CDKAL1: variants seen among roughly 807,000 people sequenced by gnomAD.
The protein encoded by CDKAL1 is CDKAL1 threonylcarbamoyladenosine tRNA methylthiotransferase, also known as threonylcarbamoyladenosine tRNA methylthiotransferase.
Under a neutral mutation model 68.2 loss-of-function variants are expected in CDKAL1, and 32 were observed. The ratio of observed to expected loss-of-function variants is 0.47; its 90% CI spans 0.35 to 0.63. CDKAL1 has a LOEUF of 0.63. Among genes scored for constraint, CDKAL1 ranks in the 30% least tolerant of loss-of-function variants. The pLI is 0.00. For missense variants in CDKAL1, 606 were observed against 696.7 expected (o/e 0.87, Z 1.47); for synonymous variants, 234 against 244.3 (o/e 0.96, Z 0.39).
At chr6:20,830,439 G>C (rs1777668536) in intron 8 of CDKAL1, among the ~76,000 whole-genome samples, 2 of 151,778 alleles carry the variant, frequency 1.3e-5, no homozygotes, top group Admixed American at 6.6e-5. Flanking sequence ...GTTTCCTCAG[G>C]TAAAGAATTT....
intron 8 of CDKAL1, among the ~76,000 whole-genome samples, chr6:20,818,357 T>C (rs1777135703): frequency 6.6e-6 from 1 of 152,182 alleles, no homozygotes; most frequent in Non-Finnish European, 1.5e-5. Context: ...CAAATTATTA[T>C]GCATTATCAG....
chr6:20,910,200 C>T (rs1347774910), intron 9 of CDKAL1, among the ~76,000 whole-genome samples: 2 of 152,204 alleles, frequency 1.3e-5, no homozygotes, highest in East Asian at 3.9e-4. Context: ...TTCCAGACAT[C>T]TTCAATGGAG....
chr6:20,909,206 TG>T (rs1762359587), intron 9 of CDKAL1, among the ~76,000 whole-genome samples: 1 of 141,274 alleles, frequency 7.1e-6, no homozygotes, highest in Non-Finnish European at 1.5e-5. Context: ...TGTGTGTGTG[TG>T]TGTGTGTGTG....
rs1005950883 is a variant in CDKAL1 at position 20,651,067 on chromosome 6, GT to G, written c.371+1699del. On this transcript the variant is annotated intron_variant, in intron 5 of 15. Transcript: ENST00000274695. ...TTTTTGGTTTCATATGAATTTTAAAGTTTTTTTTTCTAATTCTATGAAGAAT... is the reference window on the plus strand; with the variant it reads ...TTTTTGGTTTCATATGAATTTTAAAGTTTTTTTTCTAATTCTATGAAGAAT... Among the ~76,000 whole-genome samples the G allele has an allele frequency of 1.0e-3, 157 of 151,404 alleles. 2 individuals are homozygous for G. The highest frequency in any genetic ancestry group is 1.4e-3 in the Non-Finnish European group (97 of 67,802).
intron 11 of CDKAL1, among the ~76,000 whole-genome samples, chr6:21,012,034 T>C (rs1017970410): frequency 2.0e-5 from 3 of 152,186 alleles, no homozygotes; most frequent in African/African-American, 4.8e-5. Context: ...AGATGTAGGA[T>C]TGAACTTTCA....
At chr6:21,029,862 T>C (rs201302) in intron 11 of CDKAL1, among the ~76,000 whole-genome samples, 151,684 of 152,300 alleles carry the variant, frequency 1, 75,535 homozygotes, top group South Asian at 1. Flanking sequence ...GGAATAGGAA[T>C]GCTTTTACAC....
chr6:20,804,781 A>G (rs1776498876), intron 8 of CDKAL1, among the ~76,000 whole-genome samples: 1 of 152,136 alleles, frequency 6.6e-6, no homozygotes, highest in South Asian at 2.1e-4. Context: ...ACCATTGAGT[A>G]GTATCTGGGA....
chr6:20,904,223 G>A (rs1762134361), intron 9 of CDKAL1, among the ~76,000 whole-genome samples: 1 of 152,112 alleles, frequency 6.6e-6, no homozygotes, highest in Non-Finnish European at 1.5e-5. Context: ...TAACTGATGT[G>A]AGTTTCAGGG....
At chr6:20,913,627 A>G (rs1762577647) in intron 9 of CDKAL1, among the ~76,000 whole-genome samples, 1 of 152,204 alleles carries the variant, frequency 6.6e-6, no homozygotes, top group Non-Finnish European at 1.5e-5. Context: ...ACACTGCCCA[A>G]CTGATTGAAA....
At chr6:21,076,837 T>C (rs1310099083) in intron 12 of CDKAL1, among the ~76,000 whole-genome samples, 1 of 152,162 alleles carries the variant, frequency 6.6e-6, no homozygotes, top group African/African-American at 2.4e-5. Context: ...AAGTCCTTTC[T>C]TCTGGACACA....
At chr6:20,594,436 T>G (rs4710934) in intron 4 of CDKAL1, among the ~76,000 whole-genome samples, 52,096 of 151,954 alleles carry the variant, frequency 0.34, 9,397 homozygotes, top group East Asian at 0.53. Flanking sequence ...TGTAATGCCC[T>G]TTTCTCTGTG....
At chr6:20,981,623 C>T (rs1454724111) in intron 10 of CDKAL1, among the ~76,000 whole-genome samples, 1 of 152,138 alleles carries the variant, frequency 6.6e-6, no homozygotes, top group African/African-American at 2.4e-5. Flanking sequence ...GGGTGGATCA[C>T]GAGGTCAGGA....
At chr6:20,700,756 C>T (rs964667938) in intron 5 of CDKAL1, among the ~76,000 whole-genome samples, 1 of 152,146 alleles carries the variant, frequency 6.6e-6, no homozygotes, top group African/African-American at 2.4e-5. Flanking sequence ...CACTGAGCCA[C>T]CTCTTGTATG....
intron 11 of CDKAL1, among the ~76,000 whole-genome samples, chr6:21,018,830 A>G (rs987067884): frequency 1.3e-5 from 2 of 152,292 alleles, no homozygotes; most frequent in East Asian, 1.9e-4. Flanking sequence ...CTCACAGGCT[A>G]TTTAAATGAA....
intron 10 of CDKAL1, among the ~76,000 whole-genome samples, chr6:20,983,531 G>C (rs2150779091): frequency 6.6e-6 from 1 of 152,302 alleles, no homozygotes; most frequent in South Asian, 2.1e-4. Context: ...GACCAGCCTG[G>C]CCAACATGGT....
chr6:21,048,157 T>TC (rs567743016), intron 11 of CDKAL1, among the ~76,000 whole-genome samples: 50 of 152,288 alleles, frequency 3.3e-4, no homozygotes, highest in African/African-American at 1.2e-3. Context: ...CAGTTTCTGT[T>TC]GCAACTGTCA....
At chr6:21,164,943 G>A (rs1777089759) in intron 13 of CDKAL1, among the ~76,000 whole-genome samples, 1 of 152,224 alleles carries the variant, frequency 6.6e-6, no homozygotes, top group Non-Finnish European at 1.5e-5. Flanking sequence ...TCATGGCATA[G>A]CACACACTGG....
intron 4 of CDKAL1, among the ~76,000 whole-genome samples, chr6:20,642,477 G>GAAA (rs70990055): frequency 0.025 from 2,920 of 117,778 alleles, 64 homozygotes; most frequent in Non-Finnish European, 0.034. Flanking sequence ...ATGAAAAACA[G>GAAA]AAAAAAAAAA....
At chr6:21,004,867 C>T (rs1200399965) in intron 11 of CDKAL1, among the ~76,000 whole-genome samples, 2 of 152,056 alleles carry the variant, frequency 1.3e-5, no homozygotes, top group East Asian at 3.8e-4. Context: ...GAGGCTGAGG[C>T]AGGAGGATCA....
Sources: gnomAD v4.1 joint callset for allele counts (sites outside exome capture counted in the v4.1 genomes callset) on GRCh38, gnomAD v4.1.1 for gene constraint, MANE v1.5 for transcripts, NCBI Gene and HGNC (gene_info 2026-07-23, HGNC 2026-07-21) for gene names.